The following ATP13A4 variants were observed in gnomAD, a reference collection of about 807,000 sequenced individuals.
ATP13A4 encodes the protein ATPase 13A4.
Under a neutral mutation model 142.5 loss-of-function variants are expected in ATP13A4, and 114 were observed. That is an observed-to-expected ratio of 0.80 (90% CI 0.69 to 0.93). The LOEUF (loss-of-function observed/expected upper bound fraction) is 0.93, where lower values mean the gene tolerates loss of function less well. Among genes scored for constraint, ATP13A4 ranks in the 40% least tolerant of loss-of-function variants. ATP13A4 has a pLI of 0.00. For synonymous variants in ATP13A4, 488 were observed against 514.8 expected, an observed-to-expected ratio of 0.95 and a Z score of 0.70; for missense variants, 1,392 against 1,454.0, an observed-to-expected ratio of 0.96 and a Z score of 0.69.
In ATP13A4 at chr3:193,431,799, T is replaced by C. The variant is rs544268441; in HGVS notation, c.2842+2046A>G. Among the ~76,000 whole-genome samples the C allele has an allele frequency of 7.3e-5, 11 of 151,696 alleles. No individual in the cohort carries two copies. In the East Asian group the frequency reaches 2.1e-3, roughly 29 times the overall value. ...TTTCCATTATATATATGAAAACAAG[T>C]AAATATATATGTATATTCAAACTGT... On this transcript the variant is annotated intron_variant, in intron 25 of 29. Transcript: ENST00000342695.
rs777649454 is a variant in ATP13A4, at chr3:193,467,444, TC to T, written c.985del (p.Asp329IlefsTer36). On this transcript the variant is annotated frameshift_variant, in exon 10 of 30. Coordinates refer to ENST00000342695, the MANE Select transcript of ATP13A4 (RefSeq NM_032279.4). LOFTEE classifies it high-confidence loss of function. ...PVTKTPLPKM[D>X]SSVPWKTQSE... ...CTGTGTTTTCCAGGGCACAGAGCTA[TC>T]CATCTTGGGTAACGGAGTTTTGGTG... 6.2e-7 allele frequency: 1 copy of T among 1,613,934 alleles called. No homozygotes were observed. The highest frequency in any genetic ancestry group is 1.1e-5 in the South Asian group (1 of 91,072).
rs73888584 is a variant in ATP13A4, at chr3:193,545,691, G to A, written c.60+9049C>T. On this transcript the variant is annotated intron_variant, in intron 1 of 29. Transcript: ENST00000342695. Reference sequence around the variant, plus strand: ...AAATGACTAACTCCCTCACCAAAGTGCCAACTCAAGTTCCTGTGCTCTGTC... The same window carrying A: ...AAATGACTAACTCCCTCACCAAAGTACCAACTCAAGTTCCTGTGCTCTGTC... 9.3e-4 allele frequency among the ~76,000 whole-genome samples: 142 copies of A among 152,184 alleles called. 1 individual carries two copies. The highest frequency in any genetic ancestry group is 3.3e-3 in the African/African-American group (136 of 41,516).
intron 25 of ATP13A4, 36 bp from the exon 26 acceptor site, chr3:193,414,786 C>T (rs377163550): frequency 1.3e-6 from 2 of 1,596,548 alleles, no homozygotes; most frequent in South Asian, 1.1e-5. Context: ...TTTATGAGAG[C>T]AGGAAAATGT....
At chr3:193,555,492 AG>A (rs1274203564), upstream of ATP13A4, among the ~76,000 whole-genome samples, 1 of 152,270 alleles carries the variant, frequency 6.6e-6, no homozygotes, top group Non-Finnish European at 1.5e-5. Flanking sequence ...AAAAGAACAA[AG>A]GTATCATCAA....
intron 25 of ATP13A4, among the ~76,000 whole-genome samples, chr3:193,421,115 T>G (rs1715380463): frequency 6.7e-6 from 1 of 149,822 alleles, no homozygotes; most frequent in Admixed American, 6.9e-5. Flanking sequence ...TCATGGCACA[T>G]TATAATAAAT....
intron 2 of ATP13A4, among the ~76,000 whole-genome samples, chr3:193,570,003 C>T (rs1368533996): frequency 6.6e-6 from 1 of 152,090 alleles, no homozygotes; most frequent in East Asian, 1.9e-4. Context: ...ATTACGCATA[C>T]AAATATGCTT....
intron 1 of ATP13A4, among the ~76,000 whole-genome samples, chr3:193,534,270 A>G (rs1577059632): frequency 6.6e-6 from 1 of 152,210 alleles, no homozygotes; most frequent in South Asian, 2.1e-4. Context: ...GATGACATTA[A>G]GTTTTAAATA....
intron 2 of ATP13A4, among the ~76,000 whole-genome samples, chr3:193,503,640 G>A (rs79200339): frequency 0.01 from 1,565 of 152,316 alleles, 32 homozygotes; most frequent in African/African-American, 0.035. Context: ...AAGGCAGAGA[G>A]GGGAAGATAC....
chr3:193,525,315 A>G (rs1721942146), intron 1 of ATP13A4, among the ~76,000 whole-genome samples: 1 of 152,218 alleles, frequency 6.6e-6, no homozygotes, highest in Admixed American at 6.5e-5. Flanking sequence ...ATTCTCAAAC[A>G]AGGACATACA....
intron 7 of ATP13A4, among the ~76,000 whole-genome samples, chr3:193,487,555 T>C (rs1439733261): frequency 6.6e-6 from 1 of 152,164 alleles, no homozygotes; most frequent in African/African-American, 2.4e-5. Flanking sequence ...GTCTAAGCTA[T>C]CCTGCCACTT....
chr3:193,467,157 T>C (rs1168645396), intron 10 of ATP13A4, among the ~76,000 whole-genome samples, 159 bp downstream of exon 10: 1 of 152,128 alleles, frequency 6.6e-6, no homozygotes, highest in Non-Finnish European at 1.5e-5. Flanking sequence ...AGGTATCCCA[T>C]AAGTATATAC....
intron 9 of ATP13A4, among the ~76,000 whole-genome samples, chr3:193,467,991 C>T (rs146907329): frequency 0.014 from 2,204 of 152,012 alleles, 26 homozygotes; most frequent in East Asian, 0.08. Context: ...CCAGCCTGAC[C>T]GACATGGAGA....
chr3:193,486,255 A>AAGTTTAT (rs1291379555), intron 7 of ATP13A4, among the ~76,000 whole-genome samples: 14 of 152,266 alleles, frequency 9.2e-5, no homozygotes, highest in Non-Finnish European at 1.5e-4. Flanking sequence ...AAAGTCTGCG[A>AAGTTTAT]TGAGATTTAG....
chr3:193,414,913 A>T (rs1714976705), intron 25 of ATP13A4, among the ~76,000 whole-genome samples, 163 bp from the exon 26 acceptor site: 1 of 152,198 alleles, frequency 6.6e-6, no homozygotes, highest in African/African-American at 2.4e-5. Flanking sequence ...AATTCAAGTC[A>T]TGTAAAGAAT....
In ATP13A4 at chr3:193,548,434, G is replaced by A. The variant is rs76124775; in HGVS notation, c.60+6306C>T. 3.0e-3 allele frequency among the ~76,000 whole-genome samples: 451 copies of A among 152,242 alleles called. 3 individuals are homozygous for A. The highest frequency in any genetic ancestry group is 0.017 in the South Asian group (80 of 4,814). ...ATTTCACTCCTCTAAAATTTATATCGAAGATGAGTTGACTTCATGGGAGTT... is the reference window on the plus strand; with the variant it reads ...ATTTCACTCCTCTAAAATTTATATCAAAGATGAGTTGACTTCATGGGAGTT... On this transcript the variant is annotated intron_variant, in intron 1 of 29. Coordinates refer to ENST00000342695, the MANE Select transcript of ATP13A4 (RefSeq NM_032279.4).
intron 1 of ATP13A4, among the ~76,000 whole-genome samples, chr3:193,523,134 C>T (rs1038671852): frequency 6.6e-6 from 1 of 152,102 alleles, no homozygotes; most frequent in Admixed American, 6.5e-5. Context: ...GAAACCCCGT[C>T]TCTACTAAAA....
At chr3:193,535,955 A>T (rs1373214578) in intron 1 of ATP13A4, among the ~76,000 whole-genome samples, 1 of 152,116 alleles carries the variant, frequency 6.6e-6, no homozygotes, top group Non-Finnish European at 1.5e-5. Flanking sequence ...TAATCTGATT[A>T]ATCCTATTAC....
At chr3:193,547,702 C>T (rs747912109) in intron 1 of ATP13A4, among the ~76,000 whole-genome samples, 1 of 152,194 alleles carries the variant, frequency 6.6e-6, no homozygotes, top group Non-Finnish European at 1.5e-5. Flanking sequence ...GGGTTCCTAA[C>T]TTGCAGGGAC....
intron 1 of ATP13A4, among the ~76,000 whole-genome samples, chr3:193,548,037 A>G (rs1262191400): frequency 6.6e-6 from 1 of 152,184 alleles, no homozygotes; most frequent in Non-Finnish European, 1.5e-5. Context: ...ATGGATGAAA[A>G]GATAAAGTAT....
Sources: gnomAD v4.1 joint callset for allele counts (sites outside exome capture counted in the v4.1 genomes callset) on GRCh38, gnomAD v4.1.1 for gene constraint, MANE v1.5 for transcripts, NCBI Gene and HGNC (gene_info 2026-07-23, HGNC 2026-07-21) for gene names.